CYRIB: variants seen among roughly 807,000 people sequenced by gnomAD.
CYRIB encodes CYFIP-related Rac1 interactor B.
A neutral mutation model predicts 44.2 loss-of-function variants in CYRIB; 8 were observed. That is an observed-to-expected ratio of 0.18 (90% confidence interval 0.11 to 0.33). The LOEUF is 0.33. CYRIB is among the 10% of genes least tolerant of loss of function. CYRIB has a pLI of 1.00. For missense variants in CYRIB, 185 were observed against 382.8 expected, an observed-to-expected ratio of 0.48 and a Z score of 4.31; for synonymous variants, 131 against 127.2, an observed-to-expected ratio of 1.03 and a Z score of -0.20.
At chr8:129,891,786 C>T (rs2065529274) in intron 2 of CYRIB, among the ~76,000 whole-genome samples, 1 of 152,186 alleles carries the variant, frequency 6.6e-6, no homozygotes, top group African/African-American at 2.4e-5. Flanking sequence ...TATTATTCTA[C>T]ATCCATTCCA....
At chr8:129,869,832 T>C (rs1046004694) in intron 4 of CYRIB, among the ~76,000 whole-genome samples, 1 of 152,122 alleles carries the variant, frequency 6.6e-6, no homozygotes, top group African/African-American at 2.4e-5. Flanking sequence ...TTTACCTTCC[T>C]CAAGCTGGAA....
exon 6 of CYRIB, chr8:129,855,723 C>G: frequency 6.2e-7 from 1 of 1,613,090 alleles, no homozygotes; most frequent in Non-Finnish European, 8.5e-7. Context: ...TGTTAAGGCT[C>G]CCAGAAGACC....
At chr8:129,908,351 T>C (rs1175721830) in intron 1 of CYRIB, among the ~76,000 whole-genome samples, 1 of 151,886 alleles carries the variant, frequency 6.6e-6, no homozygotes, top group African/African-American at 2.4e-5. Context: ...ATGAAAAAAA[T>C]GTATACTCCC....
rs538701101 is a variant in CYRIB at position 129,912,563 on chromosome 8, C to G, written c.-49-9213G>C. On this transcript the variant is annotated intron_variant, in intron 1 of 11. Coordinates refer to ENST00000519824, the Ensembl canonical transcript of CYRIB. ...CCATATAATTACCTCAAAAGATGCA[C>G]AGATGCACTCTGGGGTTGGGGGAAG... 2.0e-4 allele frequency: 30 copies of G among 152,150 alleles called. 1 individual carries two copies. Among genetic ancestry groups the G allele is most frequent in the African/African-American group, 6.5e-4 (27 of 41,494 alleles). 9.4% of individuals were successfully genotyped at this position (152,150 alleles called of 1,614,324 possible).
At chr8:129,992,024 A>C (rs2096651296) in intron 1 of CYRIB, among the ~76,000 whole-genome samples, 1 of 148,908 alleles carries the variant, frequency 6.7e-6, no homozygotes. Flanking sequence ...GATCCGAGTA[A>C]TACTTTTTAG....
At chr8:129,973,179 A>G (rs139314856) in intron 1 of CYRIB, among the ~76,000 whole-genome samples, 394 of 152,332 alleles carry the variant, frequency 2.6e-3, no homozygotes, top group African/African-American at 8.9e-3. Context: ...GGATGAGGCA[A>G]TCTCTGAAAA....
At chr8:129,941,505 C>T (rs997964302), upstream of CYRIB, among the ~76,000 whole-genome samples, 14 of 152,072 alleles carry the variant, frequency 9.2e-5, no homozygotes, top group African/African-American at 2.4e-4. Context: ...AACTCCTGAG[C>T]TCAGGCAATC....
intron 1 of CYRIB, among the ~76,000 whole-genome samples, chr8:129,905,061 G>A (rs565618456): frequency 1.4e-4 from 21 of 152,300 alleles, no homozygotes; most frequent in African/African-American, 4.6e-4. Flanking sequence ...ACACTCAACA[G>A]GCCAAATGAA....
chr8:129,944,413 G>T (rs1008769103), upstream of CYRIB, among the ~76,000 whole-genome samples: 1 of 152,164 alleles, frequency 6.6e-6, no homozygotes, highest in Non-Finnish European at 1.5e-5. Context: ...CAGACAAACT[G>T]GATGGTGACA....
At chr8:129,990,482 A>ATGTGTGTGTGTATGCG (rs1554761459) in intron 1 of CYRIB, among the ~76,000 whole-genome samples, 2 of 145,908 alleles carry the variant, frequency 1.4e-5, no homozygotes, top group Non-Finnish European at 3.0e-5. Context: ...GTGTGCATGC[A>ATGTGTGTGTGTATGCG]TGTGTGTGTG....
chr8:129,940,954 G>A (rs1029664102), upstream of CYRIB, among the ~76,000 whole-genome samples: 2 of 152,090 alleles, frequency 1.3e-5, no homozygotes, highest in African/African-American at 4.8e-5. Flanking sequence ...AAGAGCTAAG[G>A]TTCCGGTAAC....
At chr8:129,851,592 T>A (rs537533475) in intron 8 of CYRIB, 1 of 152,376 alleles carries the variant, frequency 6.6e-6, no homozygotes, top group South Asian at 2.1e-4. Context: ...GCGGATCACC[T>A]GAGGTCGGGA....
intron 1 of CYRIB, among the ~76,000 whole-genome samples, chr8:129,915,875 T>C (rs991177419): frequency 7.2e-5 from 11 of 152,302 alleles, no homozygotes; most frequent in African/African-American, 2.4e-4. Flanking sequence ...AGAAGAACTA[T>C]CTCACTCAAG....
rs376216044 is a variant in CYRIB, at chr8:129,852,126, A to T, written c.633+36T>A. 7 of 1,328,092 alleles carry T rather than the reference A, an allele frequency of 5.3e-6. No individual in the cohort carries two copies. In the African/African-American group the frequency reaches 1.1e-4, roughly 20 times the overall value. 82.3% of individuals were successfully genotyped at this position (1,328,092 alleles called of 1,614,324 possible). A position where few individuals can be genotyped will look rare whatever the true frequency, so the allele number is the denominator to read the frequency against. On this transcript the variant is annotated intron_variant, in intron 8 of 11. Coordinates refer to ENST00000519824, the Ensembl canonical transcript of CYRIB. ...ATCACGTCTGCCAACAGGGGCATAA[A>T]TAACAACACAGAGTACCTGCCTAGG...
chr8:129,907,742 C>G (rs189186419), intron 1 of CYRIB, among the ~76,000 whole-genome samples: 1 of 152,340 alleles, frequency 6.6e-6, no homozygotes, highest in East Asian at 1.9e-4. Flanking sequence ...TGGCTCACGC[C>G]TGTAAGCCCA....
chr8:129,977,721 AT>A (rs1398602403), intron 1 of CYRIB, among the ~76,000 whole-genome samples: 2 of 151,900 alleles, frequency 1.3e-5, no homozygotes, highest in Non-Finnish European at 2.9e-5. Flanking sequence ...TTTAGTAGAG[AT>A]GGGGTTTCAC....
intron 5 of CYRIB, among the ~76,000 whole-genome samples, chr8:129,859,104 G>C (rs2047836411): frequency 6.6e-6 from 1 of 152,176 alleles, no homozygotes. Flanking sequence ...ACAAGACGAA[G>C]GGGCAGGATA....
At chr8:129,981,462 CT>C (rs1314937094) in intron 1 of CYRIB, among the ~76,000 whole-genome samples, 1 of 152,124 alleles carries the variant, frequency 6.6e-6, no homozygotes, top group Non-Finnish European at 1.5e-5. Flanking sequence ...CAGCCCCACC[CT>C]TTTTTAAGTG....
At chr8:129,863,002 A>G (rs571591413) in intron 4 of CYRIB, among the ~76,000 whole-genome samples, 1 of 152,360 alleles carries the variant, frequency 6.6e-6, no homozygotes, top group Non-Finnish European at 1.5e-5. Flanking sequence ...GGTGCCCAGC[A>G]GATCCACAAA....
Sources: gnomAD v4.1 joint callset for allele counts (sites outside exome capture counted in the v4.1 genomes callset) on GRCh38, gnomAD v4.1.1 for gene constraint, MANE v1.5 for transcripts, NCBI Gene and HGNC (gene_info 2026-07-23, HGNC 2026-07-21) for gene names.